The following SIAH2 variants were observed in gnomAD, a reference collection of about 807,000 sequenced individuals.
The protein encoded by SIAH2 is E3 ubiquitin-protein ligase SIAH2.
A neutral mutation model predicts 20.4 loss-of-function variants in SIAH2; 4 were observed. The ratio of observed to expected loss-of-function variants is 0.20; its 90% CI spans 0.10 to 0.45. The LOEUF is 0.45. Among genes scored for constraint, SIAH2 ranks in the 20% least tolerant of loss-of-function variants. The pLI, the probability that SIAH2 is intolerant of heterozygous loss-of-function variation, is 0.99. For missense variants in SIAH2, 259 were observed against 440.3 expected (o/e 0.59, Z 3.69); for synonymous variants, 171 against 192.5 (o/e 0.89, Z 0.93).
intron 1 of SIAH2, among the ~76,000 whole-genome samples, chr3:150,749,797 A>G (rs910564988): frequency 6.6e-6 from 1 of 152,170 alleles, no homozygotes; most frequent in Non-Finnish European, 1.5e-5. Flanking sequence ...GCCCCTATAG[A>G]AGACAATGCA....
chr3:150,746,312 C>T (rs1379873337), intron 1 of SIAH2, among the ~76,000 whole-genome samples: 1 of 152,132 alleles, frequency 6.6e-6, no homozygotes, highest in Non-Finnish European at 1.5e-5. Context: ...AGGAGAATAA[C>T]TTGAACCCAG....
chr3:150,753,301 A>C (rs1714410307), intron 1 of SIAH2, among the ~76,000 whole-genome samples: 1 of 152,208 alleles, frequency 6.6e-6, no homozygotes, highest in Admixed American at 6.5e-5. Context: ...GGAGATTCCA[A>C]GGCAAGAGTG....
At chr3:150,752,031 C>T (rs1714381456) in intron 1 of SIAH2, among the ~76,000 whole-genome samples, 2 of 152,198 alleles carry the variant, frequency 1.3e-5, no homozygotes, top group African/African-American at 4.8e-5. Flanking sequence ...CCAGAGTTAG[C>T]AGGTAACCAC....
rs1368723755 is a variant in SIAH2 at position 150,742,919 on chromosome 3, C to T, written c.418-221G>A. ...AAGGGTATTTCCTGAACCAGAAATA[C>T]GCTGTTTTCCATGCCCCCTGTTCCG... On this transcript the variant is annotated intron_variant, in intron 1 of 1. Transcript: ENST00000312960. This position sits in a 1 kb window ranked among gnomAD's most constrained non-coding sequence, Gnocchi z 4.8. 6.6e-6 allele frequency among the ~76,000 whole-genome samples: 1 copy of T among 152,180 alleles called. No individual in the cohort carries two copies. Among genetic ancestry groups the T allele is most frequent in the Non-Finnish European group, 1.5e-5 (1 of 68,026 alleles).
At chr3:150,748,752 G>A (rs1714283157) in intron 1 of SIAH2, among the ~76,000 whole-genome samples, 1 of 152,182 alleles carries the variant, frequency 6.6e-6, no homozygotes, top group African/African-American at 2.4e-5. Context: ...TTGTCTTGGA[G>A]TTAAAAAAAG....
intron 1 of SIAH2, among the ~76,000 whole-genome samples, chr3:150,747,162 A>G (rs1468035907): frequency 1.3e-5 from 2 of 152,252 alleles, no homozygotes; most frequent in Non-Finnish European, 2.9e-5. Flanking sequence ...CATAAAACTC[A>G]GAGTCCACAG....
rs1488497176 is a variant in SIAH2, at chr3:150,762,081, ACAGT to A, written c.417+348_417+351del. The A allele has an allele frequency of 1.0e-5, 3 of 289,162 alleles. No homozygotes were observed. The highest frequency in any genetic ancestry group is 3.3e-5 in the South Asian group (1 of 30,756). 17.9% of individuals were successfully genotyped at this position (289,162 alleles called of 1,614,324 possible). A position where few individuals can be genotyped will look rare whatever the true frequency, so the allele number is the denominator to read the frequency against. ...CGTTTCCTCCCTCCTCAATCCCCAC[ACAGT>A]CAGTTTCTCGGTCCAAGTTTTACTG... On this transcript the variant is annotated intron_variant, in intron 1 of 1. Transcript: ENST00000312960. The surrounding 1 kb of genome is among the most constrained non-coding windows in gnomAD (Gnocchi z 6.6).
intron 1 of SIAH2, among the ~76,000 whole-genome samples, chr3:150,749,437 C>A (rs1714308594): frequency 6.6e-6 from 1 of 152,014 alleles, no homozygotes; most frequent in Non-Finnish European, 1.5e-5. Flanking sequence ...CCTGGGAGGT[C>A]AAGGCTCAGT....
At chr3:150,755,538 G>A (rs1335566707) in intron 1 of SIAH2, among the ~76,000 whole-genome samples, 9 of 150,714 alleles carry the variant, frequency 6.0e-5, no homozygotes, top group South Asian at 4.2e-4. Flanking sequence ...TTTTTGAGAC[G>A]GAGTTTCACT....
chr3:150,751,280 AG>A (rs1308098546), intron 1 of SIAH2, among the ~76,000 whole-genome samples: 1 of 152,056 alleles, frequency 6.6e-6, no homozygotes, highest in African/African-American at 2.4e-5. Context: ...ACAATACAAA[AG>A]AAATTAGCCG....
chr3:150,757,815 C>A (rs1302812962), intron 1 of SIAH2, among the ~76,000 whole-genome samples: 1 of 151,542 alleles, frequency 6.6e-6, no homozygotes, highest in Admixed American at 6.6e-5. Flanking sequence ...GATGACATCT[C>A]TTAAAGGAAA....
chr3:150,747,727 G>C (rs1559935854), intron 1 of SIAH2, among the ~76,000 whole-genome samples: 1 of 151,948 alleles, frequency 6.6e-6, no homozygotes, highest in Non-Finnish European at 1.5e-5. Flanking sequence ...GATCACCTGA[G>C]GTCAGGAGTT....
intron 1 of SIAH2, among the ~76,000 whole-genome samples, chr3:150,761,419 C>T (rs1264204229): frequency 6.6e-6 from 1 of 152,116 alleles, no homozygotes; most frequent in Non-Finnish European, 1.5e-5. Context: ...ACAATGAAGT[C>T]GACTAGGTTT....
rs1407817227 is a variant in SIAH2, at chr3:150,762,976, C to A, written c.-127G>T. 2 of 1,044,854 alleles carry A rather than the reference C, an allele frequency of 1.9e-6. No homozygotes were observed. The highest frequency in any genetic ancestry group is 1.7e-5 in the African/African-American group (1 of 58,342). The allele number at this position is 1,044,854 out of a possible 1,614,324, so 64.7% of individuals were successfully genotyped here. ...CCACGGCGCCCAGCCCAGGTCCGGG[C>A]GGCGGAGACGCTCGGCGCCCGGCAG... On this transcript the variant is annotated 5_prime_UTR_variant, in exon 1 of 2. Transcript: ENST00000312960. This position sits in a 1 kb window ranked among gnomAD's most constrained non-coding sequence, Gnocchi z 6.6.
At chr3:150,751,454 A>G (rs1362195270) in intron 1 of SIAH2, among the ~76,000 whole-genome samples, 1 of 152,086 alleles carries the variant, frequency 6.6e-6, no homozygotes, top group African/African-American at 2.4e-5. Context: ...AGATATCATC[A>G]ACCAATAGTG....
chr3:150,752,136 T>C (rs1576582133), intron 1 of SIAH2, among the ~76,000 whole-genome samples: 1 of 152,376 alleles, frequency 6.6e-6, no homozygotes, highest in South Asian at 2.1e-4. Flanking sequence ...CTCTATGCCA[T>C]GTGACCAGTA....
Position 150,762,333 on chromosome 3 carries a change from T to C in SIAH2, c.417+100A>G. 6.7e-7 allele frequency: 1 copy of C among 1,486,708 alleles called. No homozygotes were observed. The highest frequency in any genetic ancestry group is 1.4e-5 in the African/African-American group (1 of 69,766). The allele number at this position is 1,486,708 out of a possible 1,614,324, so 92.1% of individuals were successfully genotyped here. A position where few individuals can be genotyped will look rare whatever the true frequency, so the allele number is the denominator to read the frequency against. On this transcript the variant is annotated intron_variant, in intron 1 of 1. Transcript: ENST00000312960. The surrounding 1 kb of genome is among the most constrained non-coding windows in gnomAD (Gnocchi z 6.6). ...ACATTTTTTCTTTTTTTTTTTTAAATGAGAGATGCCGCCCGCCTCTCCGGG... is the reference window on the plus strand; with the variant it reads ...ACATTTTTTCTTTTTTTTTTTTAAACGAGAGATGCCGCCCGCCTCTCCGGG...
At chr3:150,751,538 T>A (rs1425326746) in intron 1 of SIAH2, among the ~76,000 whole-genome samples, 1 of 152,142 alleles carries the variant, frequency 6.6e-6, no homozygotes, top group Non-Finnish European at 1.5e-5. Context: ...TCAAACAGTG[T>A]CACCAAACAG....
chr3:150,752,942 T>A (rs559771200), intron 1 of SIAH2, among the ~76,000 whole-genome samples: 1 of 152,200 alleles, frequency 6.6e-6, no homozygotes, highest in African/African-American at 2.4e-5. Flanking sequence ...GCCCCCAAAC[T>A]TAAAAACTGC....
Sources: allele counts gnomAD v4.1 joint callset (sites outside exome capture counted in the v4.1 genomes callset), GRCh38; gene constraint gnomAD v4.1.1; non-coding constraint Gnocchi (gnomAD v3.1); transcripts MANE v1.5; gene names NCBI Gene and HGNC (gene_info 2026-07-23, HGNC 2026-07-21).